MAML3: variants seen among roughly 807,000 people sequenced by gnomAD.
MAML3 encodes mastermind-like protein 3.
Under a neutral mutation model 101.9 loss-of-function variants are expected in MAML3, and 27 were observed. The ratio of observed to expected loss-of-function variants is 0.27; its 90% CI spans 0.20 to 0.37. MAML3 has a LOEUF of 0.37. MAML3 is among the 10% of genes least tolerant of loss of function. The pLI, the probability that MAML3 is intolerant of heterozygous loss-of-function variation, is 1.00. For synonymous variants in MAML3, 501 were observed against 555.9 expected (o/e 0.90, Z 1.39); for missense variants, 1,316 against 1,444.9 (o/e 0.91, Z 1.45).
chr4:139,872,130 A>T lies in MAML3; in HGVS notation c.2079+17227T>A, dbSNP rs561634457. On this transcript the variant is annotated intron_variant, in intron 2 of 4. Coordinates refer to ENST00000509479, the MANE Select transcript of MAML3 (RefSeq NM_018717.5). ...CAGTTAAAAGGTATACAGAGAAATA[A>T]CCCTTGCATTTGATCATTGTAACTT... 2.2e-4 allele frequency among the ~76,000 whole-genome samples: 33 copies of T among 152,326 alleles called. 1 individual carries two copies. The South Asian group carries it at 6.4e-3, about 30-fold the overall frequency.
chr4:139,877,279 G>C (rs1308669088), intron 2 of MAML3, among the ~76,000 whole-genome samples: 1 of 148,354 alleles, frequency 6.7e-6, no homozygotes, highest in Non-Finnish European at 1.5e-5. Context: ...GAATTCTAGA[G>C]AATCTTGCCC....
In MAML3 at chr4:139,730,570, C is replaced by T. The variant is rs188364696; in HGVS notation, c.2177G>A (p.Gly726Asp). 8 of 1,601,526 alleles carry T rather than the reference C, an allele frequency of 5.0e-6. No homozygotes were observed. The Admixed American group carries it at 1.0e-4, about 21-fold the overall frequency. The change falls in exon 3 of 5, where the codon GGC becomes GAC. Residue 726 changes from glycine to aspartate, a missense_variant. Gly to Asp is a moderately conservative substitution (Grantham distance 94). Transcript: ENST00000509479. ...GGGCTGGCTGCCCAGGAAGCCGGGG[C>T]CTGCGGGACTGGCTCCTGAGACCAT... ...GGMVSGASPA[G>D]PGFLGSQPQA...
At chr4:140,126,846 C>T (rs925566955) in intron 1 of MAML3, among the ~76,000 whole-genome samples, 5 of 152,204 alleles carry the variant, frequency 3.3e-5, no homozygotes, top group Non-Finnish European at 4.4e-5. Flanking sequence ...AACTGGAAGT[C>T]ATCCCTGATT....
intron 1 of MAML3, among the ~76,000 whole-genome samples, chr4:140,097,456 T>C (rs1560892620): frequency 6.6e-6 from 1 of 152,036 alleles, no homozygotes; most frequent in African/African-American, 2.4e-5. Flanking sequence ...GGTCAGCAAG[T>C]ACAACCAAAG....
At chr4:139,925,878 T>C (rs566959352) in intron 1 of MAML3, among the ~76,000 whole-genome samples, 71 of 152,290 alleles carry the variant, frequency 4.7e-4, no homozygotes, top group African/African-American at 1.6e-3. Context: ...TGTCAGTCCA[T>C]TCACCTTGGG....
At chr4:139,947,785 C>T (rs1412725983) in intron 1 of MAML3, among the ~76,000 whole-genome samples, 1 of 152,086 alleles carries the variant, frequency 6.6e-6, no homozygotes, top group Non-Finnish European at 1.5e-5. Context: ...GTATTATTCT[C>T]AATTAGGATT....
intron 2 of MAML3, among the ~76,000 whole-genome samples, chr4:139,746,844 C>A (rs1378006263): frequency 1.3e-5 from 2 of 152,154 alleles, no homozygotes; most frequent in Non-Finnish European, 2.9e-5. Flanking sequence ...GGATTGCTTT[C>A]CTTCCTTTGA....
chr4:140,135,526 A>G (rs893068187), intron 1 of MAML3, among the ~76,000 whole-genome samples: 1 of 152,256 alleles, frequency 6.6e-6, no homozygotes, highest in African/African-American at 2.4e-5. Flanking sequence ...ATTAGTGACC[A>G]AAGTAAGGAG....
chr4:139,848,753 A>C (rs1731492135), intron 2 of MAML3, among the ~76,000 whole-genome samples: 1 of 152,246 alleles, frequency 6.6e-6, no homozygotes, highest in Non-Finnish European at 1.5e-5. Flanking sequence ...GCTATGAAAT[A>C]GGTGGGAAGT....
intron 2 of MAML3, among the ~76,000 whole-genome samples, chr4:139,806,676 T>C (rs893574126): frequency 4.6e-5 from 7 of 152,230 alleles, no homozygotes; most frequent in Non-Finnish European, 1.0e-4. Context: ...CAACAAAAGG[T>C]AAACAACTAA....
At chr4:139,968,240 G>A (rs1368385996) in intron 1 of MAML3, among the ~76,000 whole-genome samples, 1 of 151,322 alleles carries the variant, frequency 6.6e-6, no homozygotes, top group East Asian at 1.9e-4. Context: ...AACCTCGGAG[G>A]TGGAGGTTGC....
At chr4:139,951,998 T>C (rs570946390) in intron 1 of MAML3, among the ~76,000 whole-genome samples, 75 of 152,252 alleles carry the variant, frequency 4.9e-4, no homozygotes, top group African/African-American at 1.8e-3. Flanking sequence ...ACCCTGTCTC[T>C]ACTAAAAATA....
In MAML3 at chr4:139,725,776, T is replaced by G. The variant is rs1208612542; in HGVS notation, c.2391A>C (p.Pro797=). ...CTTGAAACTGATTGACCTGCTGCAC[T>G]GGGTATGGATTCCGCTGTGGCTGGA... The part of the protein sequence containing the change: ...QHLQPQRNPY[P]VQQVNQFQGS... The change falls in exon 4 of 5, where the codon CCA becomes CCC. Residue 797 remains proline (P), a synonymous_variant. Transcript: ENST00000509479. The G allele has an allele frequency of 4.3e-6, 7 of 1,613,990 alleles. No individual in the cohort carries two copies. The highest frequency in any genetic ancestry group is 1.1e-5 in the South Asian group (1 of 91,080).
intron 2 of MAML3, among the ~76,000 whole-genome samples, chr4:139,792,356 T>A (rs1730430404): frequency 6.6e-6 from 1 of 152,208 alleles, no homozygotes; most frequent in Non-Finnish European, 1.5e-5. Flanking sequence ...GGAACAGAGA[T>A]TTAAGCTGAT....
At chr4:139,751,883 T>G (rs971687024) in intron 2 of MAML3, among the ~76,000 whole-genome samples, 10 of 152,184 alleles carry the variant, frequency 6.6e-5, no homozygotes, top group Admixed American at 1.3e-4. Context: ...AAGGTTACAG[T>G]ATAGCTCCTT....
intron 1 of MAML3, among the ~76,000 whole-genome samples, chr4:139,957,392 A>G (rs1050002523): frequency 2.0e-5 from 3 of 152,226 alleles, no homozygotes; most frequent in African/African-American, 7.2e-5. Context: ...AAAGTGTGAA[A>G]GTTTGTGGCT....
chr4:139,719,223 G>T lies in MAML3; in HGVS notation c.*100C>A. On this transcript the variant is annotated 3_prime_UTR_variant, in exon 5 of 5. Coordinates refer to ENST00000509479, the MANE Select transcript of MAML3 (RefSeq NM_018717.5). ...AGCTGCAGTTTTGCTCAGTTTACGT[G>T]GGTCAAAAAAACAAAAAACAAGGAT... 2 of 1,387,364 alleles carry T rather than the reference G, an allele frequency of 1.4e-6. No homozygotes were observed. The highest frequency in any genetic ancestry group is 1.5e-5 in the South Asian group (1 of 65,600). 85.9% of individuals were successfully genotyped at this position (1,387,364 alleles called of 1,614,324 possible).
Position 139,720,282 on chromosome 4 carries a change from G to T in MAML3, c.2458C>A (p.Leu820Ile), listed in dbSNP as rs776869274. 6.4e-7 allele frequency: 1 copy of T among 1,567,724 alleles called. No individual in the cohort carries two copies. Among genetic ancestry groups the T allele is most frequent in the Non-Finnish European group, 8.7e-7 (1 of 1,154,228 alleles). ...DIAAVRSQAA[L>I]QSMRTSRLMA... ...AGCCGTGACGTTCGCATGCTCTGGA[G>T]GGCTGCTTGGCTTCTTACGGCTGCT... Residue 820 changes from leucine to isoleucine, a missense_variant, in exon 5 of 5, where the codon CTC (leucine) becomes ATC (isoleucine). Leu to Ile is a conservative substitution (Grantham distance 5). Coordinates refer to ENST00000509479, the MANE Select transcript of MAML3 (RefSeq NM_018717.5).
intron 1 of MAML3, among the ~76,000 whole-genome samples, chr4:139,989,112 A>G (rs530661711): frequency 3.3e-5 from 5 of 152,296 alleles, no homozygotes; most frequent in African/African-American, 1.2e-4. Flanking sequence ...CTGTCCATCG[A>G]GAGCACACTC....
Sources: allele counts gnomAD v4.1 joint callset (sites outside exome capture counted in the v4.1 genomes callset), GRCh38; gene constraint gnomAD v4.1.1; transcripts MANE v1.5; gene names NCBI Gene and HGNC (gene_info 2026-07-23, HGNC 2026-07-21).